The following CNTNAP4 variants were observed in gnomAD, a reference collection of about 807,000 sequenced individuals.
The protein encoded by CNTNAP4 is contactin associated protein family member 4, also known as contactin-associated protein-like 4.
A neutral mutation model predicts 148.4 loss-of-function variants in CNTNAP4; 98 were observed. The observed-to-expected ratio is 0.66, with a 90% CI of 0.56 to 0.78. CNTNAP4 has a LOEUF of 0.78. Among genes scored for constraint, CNTNAP4 ranks in the 30% least tolerant of loss-of-function variants. CNTNAP4 has a pLI of 0.00. For synonymous variants in CNTNAP4, 730 were observed against 565.1 expected (o/e 1.29, Z -4.14); for missense variants, 1,935 against 1,565.6 (o/e 1.24, Z -3.98).
chr16:76,339,362 G>C (rs1271975935), intron 2 of CNTNAP4, among the ~76,000 whole-genome samples: 2 of 151,914 alleles, frequency 1.3e-5, no homozygotes, highest in Non-Finnish European at 2.9e-5. Context: ...GTTATACATA[G>C]TGTTTAGATT....
Position 76,431,454 on chromosome 16 carries a change from G to A in CNTNAP4, c.538+3855G>A, listed in dbSNP as rs544434308. 2.8e-4 allele frequency among the ~76,000 whole-genome samples: 42 copies of A among 152,186 alleles called. 1 individual carries two copies. Among genetic ancestry groups the A allele is most frequent in the African/African-American group, 9.9e-4 (41 of 41,526 alleles). ...CAGGACTTTGGAAGGTGGAGGTGGG[G>A]GGTTACCTGAGGTCAGGAGTTCGAG... On this transcript the variant is annotated intron_variant, in intron 4 of 23. Transcript: ENST00000611870.
intron 4 of CNTNAP4, among the ~76,000 whole-genome samples, chr16:76,430,652 A>C (rs1476384287): frequency 6.9e-6 from 1 of 144,086 alleles, no homozygotes; most frequent in Non-Finnish European, 1.5e-5. Context: ...GAAGGATTGC[A>C]TGCAACTGGC....
chr16:76,551,403 A>AT (rs200630373), intron 21 of CNTNAP4, among the ~76,000 whole-genome samples: 39,411 of 137,558 alleles, frequency 0.29, 5,403 homozygotes, highest in Middle Eastern at 0.41. Context: ...GTTAAAAAAA[A>AT]AATATATATA....
In CNTNAP4 at chr16:76,470,933, T is replaced by C. The variant is rs147367397; in HGVS notation, c.1655+3410T>C. The stretch of plus-strand genomic sequence containing the variant: ...CTCATTCACATAGTCCAAAGCTCCT[T>C]ACACTTTCACACACCATCCTCACAC... On this transcript the variant is annotated intron_variant, in intron 10 of 23. Coordinates refer to ENST00000611870, the MANE Select transcript of CNTNAP4 (RefSeq NM_033401.5). Among the ~76,000 whole-genome samples, 168 of 152,164 alleles carry C rather than the reference T, an allele frequency of 1.1e-3. 2 individuals are homozygous for C. In the East Asian group the frequency reaches 0.028, roughly 26 times the overall value.
At chr16:76,411,047 C>T (rs140936842) in intron 3 of CNTNAP4, among the ~76,000 whole-genome samples, 1 of 151,446 alleles carries the variant, frequency 6.6e-6, no homozygotes, top group East Asian at 1.9e-4. Flanking sequence ...TCCATACATA[C>T]ACTAGTATCA....
At chr16:76,283,799 CT>C (rs1265424413) in intron 1 of CNTNAP4, among the ~76,000 whole-genome samples, 1 of 151,966 alleles carries the variant, frequency 6.6e-6, no homozygotes, top group Non-Finnish European at 1.5e-5. Context: ...ACTTGTACCC[CT>C]GAACTTAAAA....
intron 3 of CNTNAP4, among the ~76,000 whole-genome samples, chr16:76,414,257 C>T (rs2078901465): frequency 6.6e-6 from 1 of 151,290 alleles, no homozygotes; most frequent in African/African-American, 2.4e-5. Flanking sequence ...GTGAATATTA[C>T]ATTTTATGAA....
chr16:76,295,568 AT>A (rs1266890455), intron 1 of CNTNAP4, among the ~76,000 whole-genome samples: 2 of 152,064 alleles, frequency 1.3e-5, no homozygotes, highest in Non-Finnish European at 2.9e-5. Context: ...GTAAAAAGTA[AT>A]AAGAGCTACA....
At chr16:76,445,140 G>A (rs950459634) in intron 4 of CNTNAP4, among the ~76,000 whole-genome samples, 4 of 152,186 alleles carry the variant, frequency 2.6e-5, no homozygotes, top group African/African-American at 7.2e-5. Flanking sequence ...ATGGGGACAA[G>A]TTATAGGACT....
chr16:76,392,037 C>A (rs2144771509), intron 3 of CNTNAP4, among the ~76,000 whole-genome samples: 1 of 152,296 alleles, frequency 6.6e-6, no homozygotes, highest in East Asian at 1.9e-4. Flanking sequence ...GTCGCCCAGG[C>A]TGGAGTGAAG....
intron 21 of CNTNAP4, among the ~76,000 whole-genome samples, chr16:76,544,921 C>A (rs552034947): frequency 1.3e-5 from 2 of 152,264 alleles, no homozygotes; most frequent in Admixed American, 6.5e-5. Flanking sequence ...TCTACTCAGT[C>A]TCCTCTGATG....
intron 21 of CNTNAP4, among the ~76,000 whole-genome samples, chr16:76,550,569 C>T (rs1366044260): frequency 2.6e-5 from 4 of 151,952 alleles, no homozygotes; most frequent in Non-Finnish European, 1.5e-5. Flanking sequence ...TTTTATTCAA[C>T]ATTTTAACCT....
chr16:76,496,372 T>C (rs966496174), intron 14 of CNTNAP4, among the ~76,000 whole-genome samples: 1 of 152,124 alleles, frequency 6.6e-6, no homozygotes. Context: ...ATATTGCTAA[T>C]TAAAAATGAC....
intron 3 of CNTNAP4, among the ~76,000 whole-genome samples, chr16:76,366,512 A>G (rs1465482183): frequency 6.6e-6 from 1 of 152,076 alleles, no homozygotes; most frequent in Non-Finnish European, 1.5e-5. Context: ...TATGTATCAC[A>G]TTTTCTTTAT....
At chr16:76,477,110 G>T (rs552006795) in intron 11 of CNTNAP4, among the ~76,000 whole-genome samples, 1 of 151,982 alleles carries the variant, frequency 6.6e-6, no homozygotes, top group African/African-American at 2.4e-5. Context: ...TTTGTTCAAG[G>T]CTACTTAAAA....
chr16:76,380,495 G>A (rs1013224024), intron 3 of CNTNAP4, among the ~76,000 whole-genome samples: 2 of 152,034 alleles, frequency 1.3e-5, no homozygotes, highest in African/African-American at 2.4e-5. Flanking sequence ...GAGCATTTTT[G>A]TATTCTCTAT....
intron 11 of CNTNAP4, among the ~76,000 whole-genome samples, chr16:76,477,462 T>C (rs564143574): frequency 6.6e-6 from 1 of 152,290 alleles, no homozygotes; most frequent in African/African-American, 2.4e-5. Flanking sequence ...ATACACTGCA[T>C]TGTGCTCCTG....
chr16:76,540,894 A>T, intron 21 of CNTNAP4, 104 bp downstream of exon 21: 1 of 720,856 alleles, frequency 1.4e-6, no homozygotes, highest in Non-Finnish European at 2.3e-6. Flanking sequence ...TGGCAAAGGA[A>T]ATCCCTTGCC....
intron 3 of CNTNAP4, among the ~76,000 whole-genome samples, chr16:76,362,232 C>T (rs930422925): frequency 1.3e-5 from 2 of 152,024 alleles, no homozygotes; most frequent in Non-Finnish European, 2.9e-5. Flanking sequence ...AACTACAAAA[C>T]ATTGCTGAAA....
Sources: allele counts gnomAD v4.1 joint callset (sites outside exome capture counted in the v4.1 genomes callset), GRCh38; gene constraint gnomAD v4.1.1; transcripts MANE v1.5; gene names NCBI Gene and HGNC (gene_info 2026-07-23, HGNC 2026-07-21).